The following TLK1 variants were observed in gnomAD, a reference collection of about 807,000 sequenced individuals.
The protein encoded by TLK1 is serine/threonine-protein kinase tousled-like 1.
Under a neutral mutation model 105.3 loss-of-function variants are expected in TLK1, and 24 were observed. The ratio of observed to expected loss-of-function variants is 0.23; its 90% CI spans 0.17 to 0.32. The LOEUF is 0.32. Ranked by LOEUF, TLK1 falls within the 10% of genes least tolerant of loss-of-function variation. The pLI, the probability that TLK1 is intolerant of heterozygous loss-of-function variation, is 1.00. For synonymous variants in TLK1, 321 were observed against 310.4 expected (o/e 1.03, Z -0.36); for missense variants, 558 against 910.5 (o/e 0.61, Z 4.98).
intron 1 of TLK1, among the ~76,000 whole-genome samples, chr2:171,190,684 T>A (rs1160529604): frequency 6.6e-6 from 1 of 152,186 alleles, no homozygotes; most frequent in Non-Finnish European, 1.5e-5. Context: ...AAATGTGAAA[T>A]CTTTATAAAG....
chr2:171,203,274 C>T lies in TLK1; in HGVS notation c.-6+27871G>A, dbSNP rs1693437144. 2.0e-5 allele frequency among the ~76,000 whole-genome samples: 3 copies of T among 152,112 alleles called. No individual in the cohort carries two copies. The South Asian group carries it at 6.2e-4, about 32-fold the overall frequency. On this transcript the variant is annotated intron_variant, in intron 1 of 20. Transcript: ENST00000521943. ...ATAGTTCAGTAGTGTTAAGTATATT[C>T]ATATTTTGTGTAAATAGTCTTCAGA... is the stretch of plus-strand genomic sequence containing the variant.
intron 1 of TLK1, among the ~76,000 whole-genome samples, chr2:171,146,452 C>T (rs1158521188): frequency 6.6e-6 from 1 of 152,064 alleles, no homozygotes; most frequent in Non-Finnish European, 1.5e-5. Context: ...ATATAAAGAA[C>T]AACTGGTATT....
intron 2 of TLK1, among the ~76,000 whole-genome samples, chr2:171,092,937 T>C (rs1305505156): frequency 6.6e-6 from 1 of 152,102 alleles, no homozygotes; most frequent in Non-Finnish European, 1.5e-5. Context: ...TCCAAAGAGC[T>C]TGCTGATACT....
chr2:171,050,557 G>A (rs1687187975), intron 8 of TLK1, among the ~76,000 whole-genome samples: 4 of 101,374 alleles, frequency 3.9e-5, no homozygotes, highest in Admixed American at 3.5e-4. Context: ...AAAAATAAAT[G>A]TGAGTTTTCC....
At chr2:171,091,834 T>A (rs1689250035) in intron 2 of TLK1, 1 of 152,176 alleles carries the variant, frequency 6.6e-6, no homozygotes, top group Non-Finnish European at 1.5e-5. Flanking sequence ...AAGCTCCGCC[T>A]CCTGGGTCCA....
chr2:171,003,211 T>C lies in TLK1; in HGVS notation c.1904+2936A>G, dbSNP rs968315824. 2.9e-5 allele frequency among the ~76,000 whole-genome samples: 4 copies of C among 137,524 alleles called. No homozygotes were observed. In the East Asian group the frequency reaches 6.5e-4, roughly 22 times the overall value. The allele number at this position is 137,524 out of a possible 152,430, so 90.2% of individuals were successfully genotyped here. A position where few individuals can be genotyped will look rare whatever the true frequency, so the allele number is the denominator to read the frequency against. On this transcript the variant is annotated intron_variant, in intron 18 of 20. Coordinates refer to ENST00000431350, the MANE Select transcript of TLK1 (RefSeq NM_012290.5). The stretch of plus-strand genomic sequence containing the variant: ...AGGGTGTGGACCCGGGAGGCGGAGC[T>C]TGCAGTGAGCCGAGATCGCACCACT...
chr2:171,125,669 C>T (rs1690839777), intron 1 of TLK1, among the ~76,000 whole-genome samples: 2 of 152,114 alleles, frequency 1.3e-5, no homozygotes, highest in African/African-American at 4.8e-5. Flanking sequence ...TCCAATAAGA[C>T]TTTATTTATA....
chr2:171,192,978 T>C (rs1441582027), intron 1 of TLK1, among the ~76,000 whole-genome samples: 1 of 152,256 alleles, frequency 6.6e-6, no homozygotes, highest in Non-Finnish European at 1.5e-5. Context: ...CTTTAACATA[T>C]GTACATTTTA....
upstream of TLK1, among the ~76,000 whole-genome samples, chr2:171,163,380 A>G (rs1430694192): frequency 6.6e-6 from 1 of 152,214 alleles, no homozygotes; most frequent in East Asian, 1.9e-4. Flanking sequence ...AAATACATGC[A>G]CTATAAGAGG....
chr2:171,223,536 G>A (rs926328390), intron 1 of TLK1, among the ~76,000 whole-genome samples: 3 of 142,346 alleles, frequency 2.1e-5, no homozygotes, highest in African/African-American at 7.9e-5. Context: ...CTGGAGTGCA[G>A]TGGCAAGATC....
chr2:171,028,881 A>G lies in TLK1; in HGVS notation c.1170-476T>C, dbSNP rs543410614. ...TTAAGTAACAGTAAGTGTCATGAAGAAGGCAAAAAAGGATGGTATGGTAAT... is the reference window on the plus strand; with the variant it reads ...TTAAGTAACAGTAAGTGTCATGAAGGAGGCAAAAAAGGATGGTATGGTAAT... On this transcript the variant is annotated intron_variant, in intron 11 of 20. Coordinates refer to ENST00000431350, the MANE Select transcript of TLK1 (RefSeq NM_012290.5). Among the ~76,000 whole-genome samples the G allele has an allele frequency of 3.0e-4, 46 of 152,340 alleles. 2 individuals are homozygous for G. Among genetic ancestry groups the G allele is most frequent in the African/African-American group, 9.6e-4 (40 of 41,574 alleles).
intron 3 of TLK1, among the ~76,000 whole-genome samples, chr2:171,069,171 A>G (rs1688141737): frequency 6.6e-6 from 1 of 152,208 alleles, no homozygotes; most frequent in South Asian, 2.1e-4. Context: ...TACCAGGGTA[A>G]TTTATATAAC....
At chr2:171,178,284 A>C (rs1013610672) in intron 1 of TLK1, among the ~76,000 whole-genome samples, 14 of 152,190 alleles carry the variant, frequency 9.2e-5, no homozygotes, top group Non-Finnish European at 1.8e-4. Flanking sequence ...TCAAGGGAAG[A>C]AACCAGGATT....
intron 1 of TLK1, among the ~76,000 whole-genome samples, chr2:171,135,162 G>A (rs1377622060): frequency 1.3e-5 from 2 of 152,046 alleles, no homozygotes; most frequent in African/African-American, 4.8e-5. Context: ...GCACAGCAGG[G>A]TGACTATAGT....
chr2:171,159,915 A>C (rs1421715048), intron 1 of TLK1: 1 of 176,530 alleles, frequency 5.7e-6, no homozygotes, highest in Non-Finnish European at 1.2e-5. Flanking sequence ...CCCACCAGAG[A>C]CCGGAGGCCA....
chr2:171,184,914 C>T (rs1414235807), intron 1 of TLK1, among the ~76,000 whole-genome samples: 1 of 152,100 alleles, frequency 6.6e-6, no homozygotes, highest in African/African-American at 2.4e-5. Context: ...TCTCGGCTCA[C>T]TACAAGCTCC....
intron 1 of TLK1, among the ~76,000 whole-genome samples, chr2:171,193,542 G>A (rs1256138295): frequency 2.7e-5 from 4 of 150,600 alleles, no homozygotes; most frequent in Non-Finnish European, 5.9e-5. Context: ...GACTACAAGC[G>A]CCCGCCACCA....
intron 11 of TLK1, among the ~76,000 whole-genome samples, chr2:171,038,523 C>G (rs1294774844): frequency 6.6e-6 from 1 of 152,166 alleles, no homozygotes; most frequent in East Asian, 1.9e-4. Context: ...CACTAACATT[C>G]ATTTCAAAAT....
chr2:171,129,335 T>G (rs1465377756), intron 1 of TLK1, among the ~76,000 whole-genome samples: 1 of 152,198 alleles, frequency 6.6e-6, no homozygotes, highest in Non-Finnish European at 1.5e-5. Flanking sequence ...ACAGTGATGA[T>G]TTACTGCTCC....
Sources: allele counts gnomAD v4.1 joint callset (sites outside exome capture counted in the v4.1 genomes callset), GRCh38; gene constraint gnomAD v4.1.1; transcripts MANE v1.5; gene names NCBI Gene and HGNC (gene_info 2026-07-23, HGNC 2026-07-21).